The following TUBGCP4 variants were observed in gnomAD, a reference collection of about 807,000 sequenced individuals.
The protein encoded by TUBGCP4 is gamma-tubulin complex component 4.
Under a neutral mutation model 91.6 loss-of-function variants are expected in TUBGCP4, and 54 were observed. That is an observed-to-expected ratio of 0.59 (90% confidence interval 0.47 to 0.74). The LOEUF (loss-of-function observed/expected upper bound fraction) is 0.74, where lower values mean the gene tolerates loss of function less well. TUBGCP4 is among the 30% of genes least tolerant of loss of function. The pLI is 0.00. For synonymous variants in TUBGCP4, 297 were observed against 302.8 expected (o/e 0.98, Z 0.20); for missense variants, 593 against 800.9 (o/e 0.74, Z 3.13).
intron 6 of TUBGCP4, 97 bp from the exon 7 acceptor site, chr15:43,383,206 T>C: frequency 1.0e-6 from 1 of 959,340 alleles, no homozygotes; most frequent in Non-Finnish European, 1.5e-6. Context: ...ACTTAATTGG[T>C]TATTTCTGTT....
chr15:43,404,797 G>A, intron 17 of TUBGCP4: 2 of 519,004 alleles, frequency 3.9e-6, no homozygotes, highest in Non-Finnish European at 6.8e-6. Context: ...GCTAGGTTAT[G>A]TATTGCTATG....
At chr15:43,386,650 G>A (rs1312862085) in intron 9 of TUBGCP4, among the ~76,000 whole-genome samples, 2 of 140,410 alleles carry the variant, frequency 1.4e-5, no homozygotes, top group Admixed American at 7.1e-5. Flanking sequence ...GCTTGAACCC[G>A]GGAGGCGGAG....
In TUBGCP4 at chr15:43,387,889, C is replaced by T. The variant is rs559881271; in HGVS notation, c.1014+1559C>T. On this transcript the variant is annotated intron_variant, in intron 9 of 17. Transcript: ENST00000564079. ...TTTGAGACAGGGTCTTGCTTTGTCA[C>T]CCAGGCTGAAGTGCAGTGGAGCAGT... Among the ~76,000 whole-genome samples, 4 of 152,250 alleles carry T rather than the reference C, an allele frequency of 2.6e-5. No homozygotes were observed. In the East Asian group the frequency reaches 7.7e-4, roughly 29 times the overall value.
At chr15:43,395,892 G>A (rs2044572457) in intron 11 of TUBGCP4, among the ~76,000 whole-genome samples, 1 of 152,106 alleles carries the variant, frequency 6.6e-6, no homozygotes, top group Non-Finnish European at 1.5e-5. Flanking sequence ...ACCCTTCCTG[G>A]AAGAGTTGGT....
Position 43,408,143 on chromosome 15 carries a change from C to T in TUBGCP4, c.*2929C>T. On this transcript the variant is annotated 3_prime_UTR_variant, in exon 18 of 18. Coordinates refer to ENST00000564079, the MANE Select transcript of TUBGCP4 (RefSeq NM_014444.5). ...ATGACAAGTAATATCCAACAAACTG[C>T]CTTTCTGCAAAGGGACTCATGTACA... 2 of 1,568,060 alleles carry T rather than the reference C, an allele frequency of 1.3e-6. No homozygotes were observed. Among genetic ancestry groups the T allele is most frequent in the Non-Finnish European group, 1.7e-6 (2 of 1,150,512 alleles).
intron 15 of TUBGCP4, 44 bp from the exon 16 acceptor site, chr15:43,403,639 G>A: frequency 7.2e-7 from 1 of 1,386,958 alleles, no homozygotes; most frequent in Non-Finnish European, 1.0e-6. Flanking sequence ...CTTCATGGAT[G>A]TACCTTCCTT....
At chr15:43,402,583 G>A (rs1249149361) in intron 15 of TUBGCP4, 5 of 152,202 alleles carry the variant, frequency 3.3e-5, no homozygotes, top group African/African-American at 1.2e-4. Flanking sequence ...ATCTATGTAT[G>A]TGTTTCTGTA....
At chr15:43,381,773 C>T (rs982356219) in intron 6 of TUBGCP4, among the ~76,000 whole-genome samples, 6 of 151,986 alleles carry the variant, frequency 3.9e-5, no homozygotes, top group African/African-American at 1.5e-4. Context: ...CTAGTGTATC[C>T]TTTAGTTTCA....
intron 9 of TUBGCP4, among the ~76,000 whole-genome samples, chr15:43,392,406 G>C (rs2044490723): frequency 6.6e-6 from 1 of 151,952 alleles, no homozygotes; most frequent in Non-Finnish European, 1.5e-5. Flanking sequence ...CATTATAGTT[G>C]GAGAACATAG....
intron 6 of TUBGCP4, among the ~76,000 whole-genome samples, chr15:43,380,515 T>C (rs371658664): frequency 1.3e-5 from 2 of 152,240 alleles, no homozygotes; most frequent in Non-Finnish European, 2.9e-5. Context: ...TATTTTCAAA[T>C]TGAAGGTCCT....
At chr15:43,372,035 A>AT (rs2142750832) in intron 1 of TUBGCP4, among the ~76,000 whole-genome samples, 1 of 152,344 alleles carries the variant, frequency 6.6e-6, no homozygotes, top group Admixed American at 6.5e-5. Context: ...GAATAGTTAA[A>AT]TAACTATCGG....
chr15:43,376,674 C>T (rs1239182849), intron 3 of TUBGCP4, 49 bp downstream of exon 3: 1 of 1,610,394 alleles, frequency 6.2e-7, no homozygotes, highest in Non-Finnish European at 8.5e-7. Flanking sequence ...TAGATTAGGG[C>T]ATGTTCTTGA....
In TUBGCP4 at chr15:43,407,330, T is replaced by G; in HGVS notation, c.*2116T>G. ...ACACAAGACACATTTAAAACCTGGT[T>G]AAAACACAATCTCCACGATAGCAGG... is the stretch of plus-strand genomic sequence containing the variant. On this transcript the variant is annotated 3_prime_UTR_variant, in exon 18 of 18. Coordinates refer to ENST00000564079, the MANE Select transcript of TUBGCP4 (RefSeq NM_014444.5). 1.3e-6 allele frequency: 2 copies of G among 1,550,674 alleles called. No homozygotes were observed. The highest frequency in any genetic ancestry group is 1.8e-6 in the Non-Finnish European group (2 of 1,129,726).
intron 9 of TUBGCP4, among the ~76,000 whole-genome samples, chr15:43,387,763 G>A (rs1251367786): frequency 2.0e-5 from 3 of 151,932 alleles, no homozygotes; most frequent in Non-Finnish European, 4.4e-5. Flanking sequence ...CGCCTGGCCC[G>A]CATGAGGAAA....
At chr15:43,403,496 C>A in intron 15 of TUBGCP4, 187 bp from the exon 16 acceptor site, 1 of 553,288 alleles carries the variant, frequency 1.8e-6, no homozygotes, top group Admixed American at 3.2e-5. Context: ...GGAAAGGATG[C>A]ATTTGTTTTA....
In TUBGCP4 at chr15:43,406,697, CAATAAT is replaced by C. The variant is rs201419832; in HGVS notation, c.*1497_*1502del. 377 of 433,062 alleles carry C rather than the reference CAATAAT, an allele frequency of 8.7e-4. 1 individual carries two copies. Among genetic ancestry groups the C allele is most frequent in the African/African-American group, 6.8e-3 (329 of 48,586 alleles). 26.8% of individuals were successfully genotyped at this position (433,062 alleles called of 1,614,324 possible). On this transcript the variant is annotated 3_prime_UTR_variant, in exon 18 of 18. Coordinates refer to ENST00000564079, the MANE Select transcript of TUBGCP4 (RefSeq NM_014444.5). Reference sequence around the variant, plus strand: ...AAGGAACTGCTTCCAGCTATTGTGACAATAATAATAATAATAATATTGGGTCTTTGA... The same window carrying C: ...AAGGAACTGCTTCCAGCTATTGTGACAATAATAATAATATTGGGTCTTTGA...
chr15:43,386,954 G>A lies in TUBGCP4; in HGVS notation c.1014+624G>A, dbSNP rs147896661. Among the ~76,000 whole-genome samples, 15 of 152,176 alleles carry A rather than the reference G, an allele frequency of 9.9e-5. No individual in the cohort carries two copies. In the East Asian group the frequency reaches 2.9e-3, roughly 29 times the overall value. Reference sequence around the variant, plus strand: ...TTAGTTGGTTAGTTAGTTGAATAAAGGGGGGATCTTGGTTTAAATTCTGAA... The same window carrying A: ...TTAGTTGGTTAGTTAGTTGAATAAAAGGGGGATCTTGGTTTAAATTCTGAA... On this transcript the variant is annotated intron_variant, in intron 9 of 17. Transcript: ENST00000564079.
intron 3 of TUBGCP4, 89 bp from the exon 4 acceptor site, chr15:43,376,925 C>T (rs2044214095): frequency 8.8e-7 from 1 of 1,135,420 alleles, no homozygotes; most frequent in Non-Finnish European, 1.3e-6. Flanking sequence ...ACACTTAAGC[C>T]CATCATGAGA....
At position 43,407,794 on chromosome 15, in the gene TUBGCP4, G is replaced by T; in HGVS notation, c.*2580G>T. 1.2e-6 allele frequency: 1 copy of T among 853,360 alleles called. No homozygotes were observed. The highest frequency in any genetic ancestry group is 1.8e-6 in the Non-Finnish European group (1 of 550,368). 52.9% of individuals were successfully genotyped at this position (853,360 alleles called of 1,614,324 possible). A position where few individuals can be genotyped will look rare whatever the true frequency, so the allele number is the denominator to read the frequency against. On this transcript the variant is annotated 3_prime_UTR_variant, in exon 18 of 18. Transcript: ENST00000564079. ...ATACGTCCAGTGCTTCACTTATGTT[G>T]ACTCACCTCTTGAAGGTGGTACTTT...
Sources: allele counts gnomAD v4.1 joint callset (sites outside exome capture counted in the v4.1 genomes callset), GRCh38; gene constraint gnomAD v4.1.1; transcripts MANE v1.5; gene names NCBI Gene and HGNC (gene_info 2026-07-23, HGNC 2026-07-21).